Variants in LUZP1 observed in about 807,000 individuals in gnomAD.
LUZP1 encodes filamin mechanobinding actin cross-linking protein.
In LUZP1, 25 loss-of-function variants were observed where a neutral mutation model predicts 71.3. That is an observed-to-expected ratio of 0.35 (90% confidence interval 0.26 to 0.49). LUZP1 has a LOEUF of 0.49. LUZP1 is among the 20% of genes least tolerant of loss of function. The probability of loss-of-function intolerance (pLI) is 0.99; values close to 1 mark genes in which losing one functional copy is unlikely to be tolerated. For synonymous variants in LUZP1, 481 were observed against 506.4 expected (o/e 0.95, Z 0.67); for missense variants, 1,142 against 1,300.8 (o/e 0.88, Z 1.88).
intron 2 of LUZP1, among the ~76,000 whole-genome samples, chr1:23,134,265 G>A (rs936905407): frequency 1.4e-4 from 22 of 152,134 alleles, no homozygotes; most frequent in African/African-American, 5.3e-4. Context: ...AGGATCACTT[G>A]AGCCCAGGAG....
At position 23,094,073 on chromosome 1, in the gene LUZP1, C is replaced by T. The variant is rs184592362; in HGVS notation, c.189G>A (p.Ala63=). The T allele has an allele frequency of 3.2e-5, 52 of 1,614,184 alleles. No homozygotes were observed. The East Asian group carries it at 7.6e-4, about 24-fold the overall frequency. Reference sequence around the variant, plus strand: ...CCCGCTGGCGCAGCACTTCAATCTCCGCCAACATGCTGGAGTTGCTACCTT... The same window carrying T: ...CCCGCTGGCGCAGCACTTCAATCTCTGCCAACATGCTGGAGTTGCTACCTT... The change falls in exon 4 of 5, where the codon GCG becomes GCA. Residue 63 remains alanine (A), a synonymous_variant. Coordinates refer to ENST00000302291, the Ensembl canonical transcript of LUZP1. The surrounding 1 kb of genome is among the most constrained non-coding windows in gnomAD (Gnocchi z 4.7).
At chr1:23,160,745 C>A (rs55899023) in intron 2 of LUZP1, among the ~76,000 whole-genome samples, 1 of 152,104 alleles carries the variant, frequency 6.6e-6, no homozygotes, top group Non-Finnish European at 1.5e-5. Context: ...AGCTTCTGAT[C>A]GAGAAGCTTC....
At chr1:23,115,910 T>G (rs1202180484) in intron 2 of LUZP1, among the ~76,000 whole-genome samples, 1 of 152,202 alleles carries the variant, frequency 6.6e-6, no homozygotes, top group African/African-American at 2.4e-5. Context: ...TTTGTGAAGT[T>G]TAGCAACAGA....
At chr1:23,086,708 G>A (rs781090260) in exon 5 of LUZP1, 1 of 152,676 alleles carries the variant, frequency 6.5e-6, no homozygotes, top group Non-Finnish European at 1.5e-5. Flanking sequence ...ATGGCAGGGA[G>A]GCTGCAAGTG....
rs553735096 is a variant in LUZP1, at chr1:23,092,454, G to A, written c.1808C>T (p.Ser603Leu). ...GCTTCTACAGCTATAAGGATACTTC[G>A]ATAGAACAGGAGCCTTGGAATTCGG... The change falls in exon 4 of 5, where the codon TCG (serine) becomes TTG (leucine). Residue 603 changes from serine (S) to leucine (L), a missense_variant. Ser to Leu is a moderately radical substitution (Grantham distance 145). Coordinates refer to ENST00000302291, the Ensembl canonical transcript of LUZP1. 3.5e-5 allele frequency: 56 copies of A among 1,614,122 alleles called. No individual in the cohort carries two copies. The Middle Eastern group carries it at 4.9e-4, about 14-fold the overall frequency.
intron 2 of LUZP1, among the ~76,000 whole-genome samples, chr1:23,109,360 A>T (rs533593589): frequency 1.3e-5 from 2 of 152,314 alleles, no homozygotes; most frequent in South Asian, 4.2e-4. Flanking sequence ...CCTTTCCTAT[A>T]AGATGATATG....
chr1:23,175,159 ACAT>A (rs1644575283), intron 1 of LUZP1, among the ~76,000 whole-genome samples: 1 of 152,072 alleles, frequency 6.6e-6, no homozygotes, highest in Non-Finnish European at 1.5e-5. Flanking sequence ...TACTGGTCAC[ACAT>A]CTAGTAGGAT....
At chr1:23,153,763 G>A (rs1485074159) in intron 2 of LUZP1, among the ~76,000 whole-genome samples, 7 of 152,046 alleles carry the variant, frequency 4.6e-5, no homozygotes, top group South Asian at 2.1e-4. Context: ...GTGAGACCTC[G>A]ACTCTACTAG....
chr1:23,153,778 CA>C (rs1644401088), intron 2 of LUZP1, among the ~76,000 whole-genome samples: 1 of 152,040 alleles, frequency 6.6e-6, no homozygotes, highest in South Asian at 2.1e-4. Flanking sequence ...TACTAGAAAT[CA>C]AAAATATTAC....
chr1:23,147,442 A>AC (rs2124722434), intron 2 of LUZP1, among the ~76,000 whole-genome samples: 1 of 95,474 alleles, frequency 1.0e-5, no homozygotes, highest in East Asian at 3.9e-4. Context: ...ACTCTATCTC[A>AC]AAAAAAAAAA....
intron 2 of LUZP1, among the ~76,000 whole-genome samples, chr1:23,165,922 T>C (rs1557697633): frequency 6.6e-6 from 1 of 151,902 alleles, no homozygotes; most frequent in South Asian, 2.1e-4. Flanking sequence ...AAATGAAATA[T>C]ATGATCACTT....
chr1:23,093,478 C>A lies in LUZP1; in HGVS notation c.784G>T (p.Asp262Tyr). 6.2e-7 allele frequency: 1 copy of A among 1,612,740 alleles called. No homozygotes were observed. Among genetic ancestry groups the A allele is most frequent in the Non-Finnish European group, 8.5e-7 (1 of 1,179,744 alleles). ...TCATTCTCTACCTGCTTTAGGTAGT[C>A]CAGACCACCCTTCCTTCTTGATTCT... The change falls in exon 4 of 5, where the codon GAC (aspartate) becomes TAC (tyrosine). Residue 262 changes from aspartate to tyrosine, a missense_variant. Coordinates refer to ENST00000302291, the Ensembl canonical transcript of LUZP1. This position sits in a 1 kb window ranked among gnomAD's most constrained non-coding sequence, Gnocchi z 4.2.
intron 3 of LUZP1, among the ~76,000 whole-genome samples, chr1:23,098,972 C>T (rs904767826): frequency 1.3e-5 from 2 of 152,168 alleles, no homozygotes; most frequent in African/African-American, 2.4e-5. Flanking sequence ...CCAAGCCTTC[C>T]GCTTCCATTC....
At chr1:23,159,858 C>T (rs1644450910) in intron 2 of LUZP1, among the ~76,000 whole-genome samples, 1 of 152,082 alleles carries the variant, frequency 6.6e-6, no homozygotes, top group African/African-American at 2.4e-5. Flanking sequence ...TGGTGGCATG[C>T]GCCTGTAGTT....
intron 2 of LUZP1, among the ~76,000 whole-genome samples, chr1:23,160,731 A>T (rs1297073736): frequency 6.6e-6 from 1 of 152,232 alleles, no homozygotes; most frequent in African/African-American, 2.4e-5. Context: ...GCATTAGCTA[A>T]AACAGCTTCT....
chr1:23,123,298 C>T (rs1451282903), intron 2 of LUZP1, among the ~76,000 whole-genome samples: 1 of 152,058 alleles, frequency 6.6e-6, no homozygotes, highest in Non-Finnish European at 1.5e-5. Context: ...TCGAGATCAG[C>T]CTGACCAACA....
rs142797064 is a variant in LUZP1, at chr1:23,148,429, T to C, written c.-226+20337A>G. On this transcript the variant is annotated intron_variant, in intron 2 of 4. Coordinates refer to ENST00000302291, the Ensembl canonical transcript of LUZP1. ...GTTTCCTTCTCAAAAAATCAGGTCA[T>C]CTCGAAAATTTGCTTTACTAAATTT... Among the ~76,000 whole-genome samples, 48 of 152,296 alleles carry C rather than the reference T, an allele frequency of 3.2e-4. No individual in the cohort carries two copies. In the East Asian group the frequency reaches 7.9e-3, roughly 25 times the overall value.
Position 23,093,433 on chromosome 1 carries a change from T to C in LUZP1, c.829A>G (p.Asn277Asp). 1 of 1,613,454 alleles carries C rather than the reference T, an allele frequency of 6.2e-7. No homozygotes were observed. The highest frequency in any genetic ancestry group is 8.5e-7 in the Non-Finnish European group (1 of 1,179,872). Reference sequence around the variant, plus strand: ...TCTTCCTGATTGCGGTTCTTTTCATTTTCTGATTTGTTTCTTGTTTCATTC... The same window carrying C: ...TCTTCCTGATTGCGGTTCTTTTCATCTTCTGATTTGTTTCTTGTTTCATTC... Residue 277 changes from asparagine (N) to aspartate (D), a missense_variant, in exon 4 of 5, where the codon AAT (asparagine) becomes GAT (aspartate). Coordinates refer to ENST00000302291, the Ensembl canonical transcript of LUZP1. This position sits in a 1 kb window ranked among gnomAD's most constrained non-coding sequence, Gnocchi z 4.2.
exon 3 of LUZP1, chr1:23,109,077 C>G (rs760655517): frequency 6.6e-6 from 1 of 152,210 alleles, no homozygotes; most frequent in African/African-American, 2.4e-5. Flanking sequence ...CCTATGCTTG[C>G]TGTTTTGGAA....
Sources: allele counts gnomAD v4.1 joint callset (sites outside exome capture counted in the v4.1 genomes callset), GRCh38; gene constraint gnomAD v4.1.1; non-coding constraint Gnocchi (gnomAD v3.1); transcripts MANE v1.5; gene names NCBI Gene and HGNC (gene_info 2026-07-23, HGNC 2026-07-21).